Variants in TRIP4 observed in about 807,000 individuals in gnomAD.
TRIP4 encodes thyroid hormone receptor interactor 4, also known as activating signal cointegrator 1.
A neutral mutation model predicts 81.8 loss-of-function variants in TRIP4; 54 were observed. The observed-to-expected ratio is 0.66, with a 90% CI of 0.53 to 0.83. The LOEUF (loss-of-function observed/expected upper bound fraction) is 0.83. Ranked by LOEUF, TRIP4 falls within the 40% of genes least tolerant of loss-of-function variation. TRIP4 has a pLI of 0.00. For synonymous variants in TRIP4, 270 were observed against 242.8 expected (o/e 1.11, Z -1.04); for missense variants, 662 against 683.6 (o/e 0.97, Z 0.35).
chr15:64,448,692 T>C (rs773219756), intron 12 of TRIP4, among the ~76,000 whole-genome samples: 1 of 152,134 alleles, frequency 6.6e-6, no homozygotes, highest in African/African-American at 2.4e-5. Flanking sequence ...CTTGAACTCC[T>C]GAGCTCAGGT....
chr15:64,396,361 C>G (rs1247587912), intron 3 of TRIP4, among the ~76,000 whole-genome samples: 2 of 148,104 alleles, frequency 1.4e-5, no homozygotes, highest in African/African-American at 5.1e-5. Context: ...ACTGCAACCT[C>G]TGCCTCCCTG....
In TRIP4 at chr15:64,447,359, A is replaced by G. The variant is rs556100271; in HGVS notation, c.1678+2251A>G. Among the ~76,000 whole-genome samples, 35 of 152,296 alleles carry G rather than the reference A, an allele frequency of 2.3e-4. 2 individuals are homozygous for G. In the East Asian group the frequency reaches 5.6e-3, roughly 24 times the overall value. On this transcript the variant is annotated intron_variant, in intron 12 of 12. Transcript: ENST00000261884. ...GACCAACTAGCCATTTTATAAATCT[A>G]TGCCCTAGAGAAGTACTTCTCAAAC...
intron 9 of TRIP4, 94 bp downstream of exon 9, chr15:64,418,822 G>A: frequency 8.2e-7 from 1 of 1,225,466 alleles, no homozygotes. Flanking sequence ...CCTCAATCTA[G>A]TGATGATTTA....
chr15:64,416,077 A>G (rs965181023), intron 8 of TRIP4, among the ~76,000 whole-genome samples: 1 of 152,082 alleles, frequency 6.6e-6, no homozygotes, highest in African/African-American at 2.4e-5. Context: ...CAAAAGTGGG[A>G]GCCGGGCCTG....
rs1302350230 is a variant in TRIP4 at position 64,390,893 on chromosome 15, T to A, written c.101+2929T>A. On this transcript the variant is annotated intron_variant, in intron 1 of 12. Coordinates refer to ENST00000261884, the MANE Select transcript of TRIP4 (RefSeq NM_016213.5). ...CTGGGCGACAGAGCGAGACTCCGTC[T>A]CAAAAAAAAAAAAAAATTATATTCC... 3.4e-5 allele frequency among the ~76,000 whole-genome samples: 5 copies of A among 148,626 alleles called. No individual in the cohort carries two copies. In the East Asian group the frequency reaches 7.9e-4, roughly 23 times the overall value.
chr15:64,444,463 C>A (rs1264970688), intron 11 of TRIP4, among the ~76,000 whole-genome samples: 1 of 152,218 alleles, frequency 6.6e-6, no homozygotes, highest in Non-Finnish European at 1.5e-5. Context: ...TACCTTTTCA[C>A]CCGAAGTAGA....
chr15:64,452,085 T>C (rs8039359), intron 12 of TRIP4, among the ~76,000 whole-genome samples: 132,062 of 152,064 alleles, frequency 0.87, 58,555 homozygotes, highest in East Asian at 0.96. Context: ...CTCAGCCTCC[T>C]GAGTAGCTGG....
intron 4 of TRIP4, among the ~76,000 whole-genome samples, chr15:64,398,815 G>A (rs1231167441): frequency 6.6e-6 from 1 of 151,998 alleles, no homozygotes; most frequent in Non-Finnish European, 1.5e-5. Context: ...TATCTAGAAA[G>A]CTAATTTTAC....
intron 3 of TRIP4, 130 bp downstream of exon 3, chr15:64,395,661 GAA>G: frequency 9.5e-7 from 1 of 1,054,530 alleles, no homozygotes; most frequent in South Asian, 2.0e-5. Flanking sequence ...ATTTTAGGTA[GAA>G]AAAGTTACAT....
At chr15:64,429,588 A>G (rs1240594681) in intron 11 of TRIP4, among the ~76,000 whole-genome samples, 2 of 152,202 alleles carry the variant, frequency 1.3e-5, no homozygotes, top group African/African-American at 4.8e-5. Context: ...TATAACATGC[A>G]GTGTTCTCAA....
At chr15:64,410,041 T>G (rs1408132123) in intron 7 of TRIP4, among the ~76,000 whole-genome samples, 1 of 150,828 alleles carries the variant, frequency 6.6e-6, no homozygotes, top group Non-Finnish European at 1.5e-5. Flanking sequence ...TTTTTTTTTT[T>G]TTGAGATGGA....
intron 9 of TRIP4, among the ~76,000 whole-genome samples, chr15:64,423,461 C>CAAAAAA (rs58166289): frequency 1.4e-5 from 1 of 71,092 alleles, no homozygotes; most frequent in African/African-American, 5.9e-5. Context: ...GACTCCGTCT[C>CAAAAAA]AAAAAAAAAA....
intron 11 of TRIP4, among the ~76,000 whole-genome samples, chr15:64,435,304 G>A (rs1165445465): frequency 1.3e-5 from 2 of 149,028 alleles, no homozygotes; most frequent in Non-Finnish European, 3.0e-5. Context: ...GGCAGATCAC[G>A]AGGTCAGGAG....
chr15:64,408,865 C>T (rs1891694960), intron 6 of TRIP4, among the ~76,000 whole-genome samples: 1 of 151,996 alleles, frequency 6.6e-6, no homozygotes, highest in Non-Finnish European at 1.5e-5. Flanking sequence ...TAGTGAGAGC[C>T]TGCAAAGTGG....
intron 12 of TRIP4, among the ~76,000 whole-genome samples, chr15:64,449,504 G>A (rs1419001073): frequency 6.6e-6 from 1 of 151,444 alleles, no homozygotes; most frequent in Non-Finnish European, 1.5e-5. Flanking sequence ...TATGATGCCC[G>A]GCTTCAGGTT....
chr15:64,439,037 A>G (rs1436282716), intron 11 of TRIP4, among the ~76,000 whole-genome samples: 2 of 152,220 alleles, frequency 1.3e-5, no homozygotes, highest in African/African-American at 2.4e-5. Context: ...TGGGAGTTCA[A>G]CTATCCCACT....
chr15:64,411,869 G>C (rs1052664836), intron 7 of TRIP4, among the ~76,000 whole-genome samples: 6 of 151,952 alleles, frequency 3.9e-5, no homozygotes, highest in African/African-American at 1.5e-4. Flanking sequence ...TTTTAGTAGA[G>C]ACAGGGTTTC....
intron 11 of TRIP4, among the ~76,000 whole-genome samples, chr15:64,433,545 A>G (rs920988424): frequency 6.6e-6 from 1 of 152,202 alleles, no homozygotes; most frequent in African/African-American, 2.4e-5. Context: ...CAGAGGCTGC[A>G]GTCAGCTGAG....
At chr15:64,420,996 G>C (rs1262083789) in intron 9 of TRIP4, among the ~76,000 whole-genome samples, 1 of 151,906 alleles carries the variant, frequency 6.6e-6, no homozygotes, top group East Asian at 2.0e-4. Context: ...TGGAACACAT[G>C]TACAACAGTG....
Sources: gnomAD v4.1 joint callset for allele counts (sites outside exome capture counted in the v4.1 genomes callset) on GRCh38, gnomAD v4.1.1 for gene constraint, MANE v1.5 for transcripts, NCBI Gene and HGNC (gene_info 2026-07-23, HGNC 2026-07-21) for gene names.